Variants in UFM1 observed in about 807,000 individuals in gnomAD.
The protein encoded by UFM1 is ubiquitin-fold modifier 1.
UFM1 carries 9 observed loss-of-function variants against 15.4 expected under a neutral mutation model. That is an observed-to-expected ratio of 0.59 (90% CI 0.35 to 1.02). The LOEUF (loss-of-function observed/expected upper bound fraction) is 1.02. Among genes scored for constraint, UFM1 ranks in the 50% least tolerant of loss-of-function variants. The pLI is 0.02. For missense variants in UFM1, 98 were observed against 104.7 expected (o/e 0.94, Z 0.28); for synonymous variants, 27 against 36.3 (o/e 0.74, Z 0.92).
chr13:38,356,867 TAGTC>T (rs773784850), intron 3 of UFM1, among the ~76,000 whole-genome samples: 13 of 151,930 alleles, frequency 8.6e-5, no homozygotes, highest in Non-Finnish European at 1.8e-4. Flanking sequence ...TCTATAAAGT[TAGTC>T]CATAGCACAA....
chr13:38,350,264 TG>T (rs1457178055), intron 2 of UFM1: 2 of 1,571,188 alleles, frequency 1.3e-6, no homozygotes, highest in East Asian at 2.3e-5. Flanking sequence ...CTTGGCAGCT[TG>T]GCCCCGTCAC....
rs1879345853 is a variant in UFM1, at chr13:38,360,889, T to C, written c.*111T>C. ...ATACTATGAAAACACCAGGAGTCAA[T>C]GATTAATGAAAGGTGACTCATCTGT... On this transcript the variant is annotated 3_prime_UTR_variant, in exon 6 of 6. Coordinates refer to ENST00000239878, the MANE Select transcript of UFM1 (RefSeq NM_016617.4). 3.6e-6 allele frequency: 3 copies of C among 840,038 alleles called. No individual in the cohort carries two copies. Among genetic ancestry groups the C allele is most frequent in the African/African-American group, 3.4e-5 (2 of 58,522 alleles). 52.0% of individuals were successfully genotyped at this position (840,038 alleles called of 1,614,324 possible). A position where few individuals can be genotyped will look rare whatever the true frequency, so the allele number is the denominator to read the frequency against.
At chr13:38,353,042 A>AC (rs1267557305) in intron 2 of UFM1, among the ~76,000 whole-genome samples, 3 of 151,764 alleles carry the variant, frequency 2.0e-5, no homozygotes, top group Non-Finnish European at 2.9e-5. Flanking sequence ...ATTTTTTTCC[A>AC]CCCCCCAAAA....
In UFM1 at chr13:38,361,805, G is replaced by C. The variant is rs559129486; in HGVS notation, c.*1027G>C. 5.9e-5 allele frequency: 9 copies of C among 152,312 alleles called. No individual in the cohort carries two copies. The highest frequency in any genetic ancestry group is 1.9e-4 in the African/African-American group (8 of 41,450). 9.4% of individuals were successfully genotyped at this position (152,312 alleles called of 1,614,324 possible). A position where few individuals can be genotyped will look rare whatever the true frequency, so the allele number is the denominator to read the frequency against. ...AGGAAACAGTGAAGGGGAACAGAAG[G>C]GGGTAGCAAAGTGTTACAGAAAAGC... On this transcript the variant is annotated 3_prime_UTR_variant, in exon 6 of 6. Coordinates refer to ENST00000239878, the MANE Select transcript of UFM1 (RefSeq NM_016617.4).
chr13:38,351,491 CTACA>C (rs1878846414), intron 2 of UFM1, among the ~76,000 whole-genome samples: 1 of 152,196 alleles, frequency 6.6e-6, no homozygotes, highest in Non-Finnish European at 1.5e-5. Flanking sequence ...AAACCTACCA[CTACA>C]TGGATAAATC....
At chr13:38,360,339 A>G (rs761823315) in intron 5 of UFM1, among the ~76,000 whole-genome samples, 3 of 152,034 alleles carry the variant, frequency 2.0e-5, no homozygotes, top group Non-Finnish European at 2.9e-5. Context: ...TCATCAGGCA[A>G]TTGACCCCAA....
At chr13:38,356,948 G>T (rs558559603) in intron 3 of UFM1, among the ~76,000 whole-genome samples, 55 of 151,806 alleles carry the variant, frequency 3.6e-4, no homozygotes, top group Non-Finnish European at 7.2e-4. Flanking sequence ...GCAACTGCTG[G>T]TCTCTTTAAG....
At chr13:38,352,102 CTTTT>C (rs35879418) in intron 2 of UFM1, among the ~76,000 whole-genome samples, 4 of 105,336 alleles carry the variant, frequency 3.8e-5, no homozygotes, top group Non-Finnish European at 6.2e-5. Flanking sequence ...TTCTTTCTTT[CTTTT>C]TTTTTTTTTT....
intron 4 of UFM1, among the ~76,000 whole-genome samples, chr13:38,358,994 A>C (rs1879250743): frequency 6.6e-6 from 1 of 152,078 alleles, no homozygotes; most frequent in African/African-American, 2.4e-5. Flanking sequence ...TTTGGAAGAA[A>C]GGACAAACAT....
chr13:38,355,291 A>C (rs1159057338), intron 3 of UFM1, among the ~76,000 whole-genome samples: 1 of 152,028 alleles, frequency 6.6e-6, no homozygotes, highest in Non-Finnish European at 1.5e-5. Flanking sequence ...ATTCAGAATT[A>C]AACTGCCAAC....
At chr13:38,350,286 G>T (rs1334480874) in intron 2 of UFM1, 1 of 1,521,184 alleles carries the variant, frequency 6.6e-7, no homozygotes, top group African/African-American at 1.4e-5. Context: ...GAGGGTGTGG[G>T]TGTGTTTCTG....
chr13:38,359,538 T>G lies in UFM1; in HGVS notation c.190+205T>G, dbSNP rs543342868. ...GATTGTAGATGTTTTTGGCTACAAG[T>G]AACAGAAAACCTAATAGTGGCTTAA... is the stretch of plus-strand genomic sequence containing the variant. On this transcript the variant is annotated intron_variant, in intron 5 of 5. Coordinates refer to ENST00000239878, the MANE Select transcript of UFM1 (RefSeq NM_016617.4). 7 of 453,664 alleles carry G rather than the reference T, an allele frequency of 1.5e-5. No individual in the cohort carries two copies. In the South Asian group the frequency reaches 2.5e-4, roughly 16 times the overall value. 28.1% of individuals were successfully genotyped at this position (453,664 alleles called of 1,614,324 possible).
At position 38,361,600 on chromosome 13, in the gene UFM1, A is replaced by C. The variant is rs1879390471; in HGVS notation, c.*822A>C. The C allele has an allele frequency of 6.6e-6, 1 of 152,224 alleles. No individual in the cohort carries two copies. The highest frequency in any genetic ancestry group is 2.4e-5 in the African/African-American group (1 of 41,464). 9.4% of individuals were successfully genotyped at this position (152,224 alleles called of 1,614,324 possible). On this transcript the variant is annotated 3_prime_UTR_variant, in exon 6 of 6. Coordinates refer to ENST00000239878, the MANE Select transcript of UFM1 (RefSeq NM_016617.4). ...TCAGGAACAGAGTATTATTGCACAG[A>C]TCTGAAGATCAAAAAAAAGCTCAAG...
intron 2 of UFM1, chr13:38,350,311 C>G: frequency 2.1e-6 from 3 of 1,408,080 alleles, no homozygotes; most frequent in Non-Finnish European, 2.9e-6. Context: ...GTGACCTCCC[C>G]TCGGAATTCA....
At chr13:38,352,502 T>C (rs910087280) in intron 2 of UFM1, among the ~76,000 whole-genome samples, 37 of 152,190 alleles carry the variant, frequency 2.4e-4, no homozygotes, top group Non-Finnish European at 4.0e-4. Flanking sequence ...ATTTTGTTTA[T>C]ATATTTATTT....
In UFM1 at chr13:38,362,935, T is replaced by C. The variant is rs1045952037; in HGVS notation, c.*2157T>C. On this transcript the variant is annotated 3_prime_UTR_variant, in exon 6 of 6. Transcript: ENST00000239878. ...TTGTGCAGAATGATTTGAAGTATTGTATTCAGTTTACATGCGTTATTGGTT... is the reference window on the plus strand; with the variant it reads ...TTGTGCAGAATGATTTGAAGTATTGCATTCAGTTTACATGCGTTATTGGTT... 6.6e-6 allele frequency: 1 copy of C among 152,232 alleles called. No individual in the cohort carries two copies. The highest frequency in any genetic ancestry group is 2.4e-5 in the African/African-American group (1 of 41,458). The allele number at this position is 152,232 out of a possible 1,614,324, so 9.4% of individuals were successfully genotyped here. A position where few individuals can be genotyped will look rare whatever the true frequency, so the allele number is the denominator to read the frequency against.
At chr13:38,352,496 TG>T (rs1442801181) in intron 2 of UFM1, among the ~76,000 whole-genome samples, 1 of 152,208 alleles carries the variant, frequency 6.6e-6, no homozygotes, top group Non-Finnish European at 1.5e-5. Flanking sequence ...GTTATTATTT[TG>T]TTTATATATT....
chr13:38,354,507 T>A, intron 3 of UFM1: 1 of 386,946 alleles, frequency 2.6e-6, no homozygotes, highest in East Asian at 3.8e-5. Context: ...AATGCAACCA[T>A]TGAAAATTAT....
intron 4 of UFM1, among the ~76,000 whole-genome samples, chr13:38,359,092 C>T (rs1471349042): frequency 3.3e-5 from 5 of 152,002 alleles, no homozygotes; most frequent in Admixed American, 3.3e-4. Flanking sequence ...ACGTTTTTGT[C>T]TAACCCAGCA....
Sources: allele counts gnomAD v4.1 joint callset (sites outside exome capture counted in the v4.1 genomes callset), GRCh38; gene constraint gnomAD v4.1.1; transcripts MANE v1.5; gene names NCBI Gene and HGNC (gene_info 2026-07-23, HGNC 2026-07-21).